LDLRAD3: variants seen among roughly 807,000 people sequenced by gnomAD.
LDLRAD3 encodes low density lipoprotein receptor class A domain containing 3, also known as low-density lipoprotein receptor class A domain-containing protein 3.
LDLRAD3 carries 20 observed loss-of-function variants against 29.4 expected under a neutral mutation model. That is an observed-to-expected ratio of 0.68 (90% CI 0.48 to 0.99). LDLRAD3 has a LOEUF of 0.99. LDLRAD3 is among the 50% of genes least tolerant of loss of function. The probability of loss-of-function intolerance (pLI) is 0.00; values close to 1 mark genes in which losing one functional copy is unlikely to be tolerated. For synonymous variants in LDLRAD3, 157 were observed against 192.7 expected (o/e 0.81, Z 1.53); for missense variants, 420 against 454.3 (o/e 0.92, Z 0.69).
Position 35,974,717 on chromosome 11 carries a change from C to A in LDLRAD3, c.46+30573C>A, listed in dbSNP as rs371222136. Reference sequence around the variant, plus strand: ...ACAGTCTCTTGTTTCATCAAATCAGCAAGAAAGAGAAGGACTCCAGCATGA... The same window carrying A: ...ACAGTCTCTTGTTTCATCAAATCAGAAAGAAAGAGAAGGACTCCAGCATGA... On this transcript the variant is annotated intron_variant, in intron 1 of 5. Transcript: ENST00000315571. Among the ~76,000 whole-genome samples, 7 of 152,160 alleles carry A rather than the reference C, an allele frequency of 4.6e-5. No homozygotes were observed. The East Asian group carries it at 5.8e-4, about 13-fold the overall frequency.
At chr11:35,959,023 G>A (rs1281571209) in intron 1 of LDLRAD3, among the ~76,000 whole-genome samples, 2 of 152,172 alleles carry the variant, frequency 1.3e-5, no homozygotes, top group Non-Finnish European at 1.5e-5. Context: ...TGCCACACGG[G>A]TGAACTGATA....
chr11:36,094,402 G>C (rs1237370374), intron 3 of LDLRAD3, among the ~76,000 whole-genome samples: 2 of 152,290 alleles, frequency 1.3e-5, no homozygotes, highest in East Asian at 3.9e-4. Context: ...TTACAACAGA[G>C]ACAAAAGACC....
chr11:35,997,115 A>T (rs1851764826), intron 1 of LDLRAD3: 3 of 255,208 alleles, frequency 1.2e-5, no homozygotes, highest in African/African-American at 2.3e-5. Flanking sequence ...GGCTATTTTT[A>T]TGATTAGGTG....
chr11:36,124,471 A>G (rs1338477315), intron 4 of LDLRAD3, among the ~76,000 whole-genome samples: 1 of 152,114 alleles, frequency 6.6e-6, no homozygotes, highest in East Asian at 1.9e-4. Context: ...TCATTTGACA[A>G]AAGTCACACA....
At chr11:35,954,535 G>T (rs1189222633) in intron 1 of LDLRAD3, among the ~76,000 whole-genome samples, 1 of 152,116 alleles carries the variant, frequency 6.6e-6, no homozygotes, top group African/African-American at 2.4e-5. Context: ...GGAATGAAGG[G>T]GATCACTAAA....
intron 1 of LDLRAD3, among the ~76,000 whole-genome samples, chr11:35,992,896 T>C (rs747653861): frequency 7.2e-5 from 11 of 152,216 alleles, no homozygotes; most frequent in Non-Finnish European, 1.5e-4. Flanking sequence ...CACATTTACA[T>C]TGCAAACAAG....
At chr11:35,989,620 A>G (rs1396927906) in intron 1 of LDLRAD3, among the ~76,000 whole-genome samples, 1 of 152,122 alleles carries the variant, frequency 6.6e-6, no homozygotes, top group East Asian at 1.9e-4. Context: ...ACCAAGGAAT[A>G]TATCTTGGTT....
At chr11:36,067,371 A>G (rs1852811795) in intron 2 of LDLRAD3, among the ~76,000 whole-genome samples, 1 of 152,196 alleles carries the variant, frequency 6.6e-6, no homozygotes, top group Non-Finnish European at 1.5e-5. Context: ...TTTATATTTT[A>G]TAATACTATA....
rs529590679 is a variant in LDLRAD3 at position 36,143,657 on chromosome 11, C to G, written c.454+45196C>G. ...TAACAAAATACCACAGACTGGGTGG[C>G]TTAAATAACGGAAATGCATCTGCTC... On this transcript the variant is annotated intron_variant, in intron 4 of 5. Coordinates refer to ENST00000315571, the MANE Select transcript of LDLRAD3 (RefSeq NM_174902.4). Among the ~76,000 whole-genome samples the G allele has an allele frequency of 5.9e-5, 9 of 152,220 alleles. No individual in the cohort carries two copies. The East Asian group carries it at 1.7e-3, about 29-fold the overall frequency.
At chr11:36,119,327 C>T (rs184325908) in intron 4 of LDLRAD3, among the ~76,000 whole-genome samples, 18 of 152,180 alleles carry the variant, frequency 1.2e-4, no homozygotes, top group African/African-American at 4.3e-4. Context: ...TGAGTTTATA[C>T]CTAGAAGTGG....
intron 1 of LDLRAD3, among the ~76,000 whole-genome samples, chr11:35,968,967 C>T (rs1047766071): frequency 2.6e-5 from 4 of 152,174 alleles, no homozygotes; most frequent in Admixed American, 6.5e-5. Context: ...GATCTGTTTA[C>T]GAACAGCCCT....
At chr11:36,114,092 T>G (rs1853642064) in intron 4 of LDLRAD3, among the ~76,000 whole-genome samples, 1 of 152,212 alleles carries the variant, frequency 6.6e-6, no homozygotes, top group South Asian at 2.1e-4. Flanking sequence ...TGCCACAGAC[T>G]CTTTTGGACT....
rs190665938 is a variant in LDLRAD3 at position 36,111,547 on chromosome 11, C to T, written c.454+13086C>T. On this transcript the variant is annotated intron_variant, in intron 4 of 5. Coordinates refer to ENST00000315571, the MANE Select transcript of LDLRAD3 (RefSeq NM_174902.4). Reference sequence around the variant, plus strand: ...TCCAAGCAGCTCTTTCTTGTTTCCACCTTGTTTTCCTCTCTGGAAACCCAC... The same window carrying T: ...TCCAAGCAGCTCTTTCTTGTTTCCATCTTGTTTTCCTCTCTGGAAACCCAC... 2.6e-5 allele frequency among the ~76,000 whole-genome samples: 4 copies of T among 152,102 alleles called. No individual in the cohort carries two copies. In the East Asian group the frequency reaches 7.7e-4, roughly 29 times the overall value.
At chr11:36,209,234 A>G (rs910507624) in intron 4 of LDLRAD3, among the ~76,000 whole-genome samples, 4 of 152,110 alleles carry the variant, frequency 2.6e-5, no homozygotes, top group Admixed American at 6.5e-5. Context: ...ATTTGAATCA[A>G]TTCTATTAAC....
At chr11:36,033,831 G>A (rs531420394) in intron 1 of LDLRAD3, among the ~76,000 whole-genome samples, 15 of 152,266 alleles carry the variant, frequency 9.9e-5, no homozygotes, top group African/African-American at 3.4e-4. Context: ...TCTGGAGTCC[G>A]GTCTTGAGAG....
chr11:36,060,659 CA>C (rs1322455021), intron 2 of LDLRAD3, among the ~76,000 whole-genome samples: 5 of 152,214 alleles, frequency 3.3e-5, no homozygotes, highest in Non-Finnish European at 2.9e-5. Flanking sequence ...GTGGGAGCAC[CA>C]AAAATCTCTT....
intron 1 of LDLRAD3, among the ~76,000 whole-genome samples, chr11:36,025,416 T>C (rs2133201240): frequency 7.0e-6 from 1 of 143,738 alleles, no homozygotes; most frequent in African/African-American, 2.6e-5. Context: ...TGAGATGGAG[T>C]CTCGCTCTCT....
At chr11:36,151,089 C>T (rs1312960984) in intron 4 of LDLRAD3, among the ~76,000 whole-genome samples, 1 of 152,202 alleles carries the variant, frequency 6.6e-6, no homozygotes, top group Non-Finnish European at 1.5e-5. Context: ...TTCAGGCACA[C>T]TTTTCTGTCT....
chr11:36,064,520 A>G (rs1490954117), intron 2 of LDLRAD3, among the ~76,000 whole-genome samples: 1 of 122,546 alleles, frequency 8.2e-6, no homozygotes, highest in East Asian at 2.2e-4. Flanking sequence ...GGGTTTTGCC[A>G]TGTTGCCCAG....
Sources: gnomAD v4.1 joint callset for allele counts (sites outside exome capture counted in the v4.1 genomes callset) on GRCh38, gnomAD v4.1.1 for gene constraint, MANE v1.5 for transcripts, NCBI Gene and HGNC (gene_info 2026-07-23, HGNC 2026-07-21) for gene names.